Variants in ZPLD1 observed in about 807,000 individuals in gnomAD.
ZPLD1 encodes the protein zona pellucida like domain containing 1.
ZPLD1 carries 34 observed loss-of-function variants against 47.2 expected under a neutral mutation model. The observed-to-expected ratio is 0.72, with a 90% CI of 0.55 to 0.96. ZPLD1 has a LOEUF of 0.96. Ranked by LOEUF, ZPLD1 falls within the 40% of genes least tolerant of loss-of-function variation. ZPLD1 has a pLI of 0.00. For missense variants in ZPLD1, 512 were observed against 505.8 expected (o/e 1.01, Z -0.12); for synonymous variants, 176 against 186.2 (o/e 0.95, Z 0.45).
intron 8 of ZPLD1, among the ~76,000 whole-genome samples, chr3:102,427,725 AC>A (rs1318460710): frequency 6.6e-6 from 1 of 152,160 alleles, no homozygotes; most frequent in Non-Finnish European, 1.5e-5. Context: ...CAGAGCCCAA[AC>A]CTACAGTTAT....
intron 3 of ZPLD1, among the ~76,000 whole-genome samples, chr3:102,452,661 T>A (rs1256958029): frequency 6.6e-6 from 1 of 152,162 alleles, no homozygotes; most frequent in East Asian, 1.9e-4. Flanking sequence ...TTAATGTACA[T>A]CCACTGGACA....
At chr3:102,446,725 T>G (rs1369947947) in intron 3 of ZPLD1, among the ~76,000 whole-genome samples, 1 of 152,220 alleles carries the variant, frequency 6.6e-6, no homozygotes, top group Non-Finnish European at 1.5e-5. Context: ...TTCCTAACAA[T>G]TCCTTTCAAA....
intron 6 of ZPLD1, among the ~76,000 whole-genome samples, chr3:102,460,586 A>C (rs1707491109): frequency 1.3e-5 from 2 of 151,912 alleles, no homozygotes; most frequent in Non-Finnish European, 2.9e-5. Flanking sequence ...AATATTAAAT[A>C]AGGTTATTAT....
chr3:102,417,943 C>T (rs962843507), intron 7 of ZPLD1: 4 of 152,162 alleles, frequency 2.6e-5, no homozygotes, highest in African/African-American at 4.8e-5. Context: ...AACAAAGGTC[C>T]CTAAAAGATG....
intron 3 of ZPLD1, among the ~76,000 whole-genome samples, chr3:102,445,982 C>T (rs2107327992): frequency 6.6e-6 from 1 of 152,166 alleles, no homozygotes; most frequent in East Asian, 1.9e-4. Flanking sequence ...TCATTGAAAA[C>T]TGAAAACAGA....
chr3:102,428,329 C>T (rs1449065476), intron 8 of ZPLD1, among the ~76,000 whole-genome samples: 1 of 152,114 alleles, frequency 6.6e-6, no homozygotes, highest in African/African-American at 2.4e-5. Flanking sequence ...AAAGCAACCA[C>T]TTTTCTTTGT....
intron 2 of ZPLD1, 34 bp from the exon 3 acceptor site, chr3:102,438,446 G>T (rs759311326): frequency 1.3e-6 from 2 of 1,484,188 alleles, no homozygotes; most frequent in Non-Finnish European, 9.4e-7. Flanking sequence ...GGAGTTAAGT[G>T]GGAGTGTCCA....
At position 102,456,283 on chromosome 3, in the gene ZPLD1, C is replaced by T. The variant is rs1707411543; in HGVS notation, c.418C>T (p.Pro140Ser). ...AGGATATATTGATACTCCAGACCCA[C>T]CAACAATCATCAGCTATCTACCTGG... ...ISGYIDTPDP[P>S]TIISYLPGLL... Residue 140 changes from proline to serine, a missense_variant, in exon 5 of 12, where the codon CCA becomes TCA. By Grantham distance (74) the Pro-to-Ser change is moderately conservative. Coordinates refer to ENST00000466937, the MANE Select transcript of ZPLD1 (RefSeq NM_001329788.2). The T allele has an allele frequency of 3.7e-6, 6 of 1,613,890 alleles. No individual in the cohort carries two copies. In the African/African-American group the frequency reaches 5.3e-5, roughly 14 times the overall value.
chr3:102,409,829 T>A (rs1198547274), intron 7 of ZPLD1, among the ~76,000 whole-genome samples: 2 of 151,790 alleles, frequency 1.3e-5, no homozygotes. Flanking sequence ...GTCAAATAAA[T>A]CTTCACAAAT....
At chr3:102,392,932 C>A (rs1380526729) in intron 7 of ZPLD1, among the ~76,000 whole-genome samples, 1 of 152,150 alleles carries the variant, frequency 6.6e-6, no homozygotes, top group African/African-American at 2.4e-5. Context: ...AACTCAGAAT[C>A]AAAAATAATA....
intron 7 of ZPLD1, among the ~76,000 whole-genome samples, chr3:102,413,963 G>A (rs1297604040): frequency 2.6e-5 from 4 of 151,714 alleles, no homozygotes; most frequent in Non-Finnish European, 4.4e-5. Context: ...TGTATTCCTG[G>A]ATGTCAGTAA....
chr3:102,430,990 G>T (rs536113949), upstream of ZPLD1, among the ~76,000 whole-genome samples: 1 of 152,242 alleles, frequency 6.6e-6, no homozygotes, highest in Non-Finnish European at 1.5e-5. Context: ...AATAAAATGT[G>T]CAAATATCTT....
At chr3:102,420,001 G>A (rs1706857871) in intron 8 of ZPLD1, among the ~76,000 whole-genome samples, 1 of 151,416 alleles carries the variant, frequency 6.6e-6, no homozygotes, top group African/African-American at 2.4e-5. Flanking sequence ...TTGTAAAATG[G>A]TGTAGCTGGA....
At chr3:102,413,682 G>C (rs1706771423) in intron 7 of ZPLD1, among the ~76,000 whole-genome samples, 1 of 151,702 alleles carries the variant, frequency 6.6e-6, no homozygotes, top group African/African-American at 2.4e-5. Flanking sequence ...CAGCTGGGTA[G>C]TGCTGTCCAA....
chr3:102,412,805 A>G (rs1164782465), intron 7 of ZPLD1, among the ~76,000 whole-genome samples: 1 of 151,650 alleles, frequency 6.6e-6, no homozygotes, highest in Non-Finnish European at 1.5e-5. Flanking sequence ...ACATATGTAT[A>G]TATCCCTATA....
intron 8 of ZPLD1, among the ~76,000 whole-genome samples, chr3:102,425,116 C>A (rs1051349258): frequency 1.3e-5 from 2 of 151,860 alleles, no homozygotes; most frequent in Non-Finnish European, 2.9e-5. Flanking sequence ...TTTCAAATAC[C>A]TAATCTCTGC....
upstream of ZPLD1, among the ~76,000 whole-genome samples, chr3:102,430,015 C>A (rs1181652604): frequency 6.6e-6 from 1 of 152,090 alleles, no homozygotes; most frequent in Non-Finnish European, 1.5e-5. Flanking sequence ...TACTTTAATG[C>A]ACCCCTAGTA....
intron 6 of ZPLD1, 147 bp downstream of exon 6, chr3:102,458,000 A>T: frequency 1.5e-6 from 1 of 683,902 alleles, no homozygotes; most frequent in Non-Finnish European, 2.4e-6. Context: ...TACCATTTTC[A>T]TATATCTTAG....
chr3:102,407,754 C>A (rs924919258), intron 7 of ZPLD1, among the ~76,000 whole-genome samples: 1 of 151,554 alleles, frequency 6.6e-6, no homozygotes, highest in East Asian at 2.0e-4. Context: ...AGAGAGACAT[C>A]GTTTTTAATA....
Sources: gnomAD v4.1 joint callset for allele counts (sites outside exome capture counted in the v4.1 genomes callset) on GRCh38, gnomAD v4.1.1 for gene constraint, MANE v1.5 for transcripts, NCBI Gene and HGNC (gene_info 2026-07-23, HGNC 2026-07-21) for gene names.